The following TBX1 variants were observed in gnomAD, a reference collection of about 807,000 sequenced individuals.
TBX1 encodes T-box transcription factor TBX1.
In TBX1, 16 loss-of-function variants were observed where a neutral mutation model predicts 40.8. The ratio of observed to expected loss-of-function variants is 0.39; its 90% CI spans 0.27 to 0.60. The LOEUF (loss-of-function observed/expected upper bound fraction) is 0.60. Ranked by LOEUF, TBX1 falls within the 20% of genes least tolerant of loss-of-function variation. TBX1 has a pLI of 0.51. For missense variants in TBX1, 755 were observed against 728.5 expected (o/e 1.04, Z -0.42); for synonymous variants, 403 against 336.8 (o/e 1.20, Z -2.15).
At position 19,761,152 on chromosome 22, in the gene TBX1, G is replaced by A; in HGVS notation, c.309G>A (p.Ala103=). Residue 103 remains alanine, a synonymous_variant, in exon 1 of 7, where the codon GCG becomes GCA. Transcript: ENST00000649276. ...AEPEGPGASC[A]AAAKAPVKKN... is the part of the protein sequence containing the mutation. ...CCGAGGGCCCCGGGGCCAGCTGCGCGGCCGCAGCCAAGGCGCCGGTGAAGA... is the reference window on the plus strand; with the variant it reads ...CCGAGGGCCCCGGGGCCAGCTGCGCAGCCGCAGCCAAGGCGCCGGTGAAGA... The A allele has an allele frequency of 6.7e-7, 1 of 1,493,742 alleles. No individual in the cohort carries two copies. The highest frequency in any genetic ancestry group is 9.0e-7 in the Non-Finnish European group (1 of 1,115,988). 92.5% of individuals were successfully genotyped at this position (1,493,742 alleles called of 1,614,324 possible).
At chr22:19,761,363 G>A (rs1936656019) in intron 1 of TBX1, 83 bp downstream of exon 1, 2 of 1,380,868 alleles carry the variant, frequency 1.4e-6, no homozygotes, top group South Asian at 3.3e-5. Context: ...CGCGCGAGCG[G>A]GGCCGAAAGC....
At chr22:19,764,505 G>A (rs1264964544) in intron 3 of TBX1, among the ~76,000 whole-genome samples, 179 bp downstream of exon 3, 1 of 152,252 alleles carries the variant, frequency 6.6e-6, no homozygotes. Context: ...GCGGAGCTTG[G>A]GCAGTGCTGG....
chr22:19,770,647 C>T (rs1448753908), downstream of TBX1, among the ~76,000 whole-genome samples: 9 of 152,226 alleles, frequency 5.9e-5, no homozygotes, highest in South Asian at 4.1e-4. Context: ...CACCCTGCGG[C>T]GCACCCTCCA....
intron 5 of TBX1, 35 bp downstream of exon 5, chr22:19,765,860 C>T (rs1205274947): frequency 6.4e-7 from 1 of 1,574,122 alleles, no homozygotes; most frequent in South Asian, 1.2e-5. Flanking sequence ...GAGCGCCGGG[C>T]GCCTGGCGCA....
At position 19,774,814 on chromosome 22, in the gene TBX1, T is replaced by C. The variant is rs41297798; in HGVS notation, c.1010-4406T>C. Reference sequence around the variant, plus strand: ...CAGGAGAATGGGGATTGTTAGGGACTGGGGGAGAGGAATGGGGAGTTGGCG... The same window carrying C: ...CAGGAGAATGGGGATTGTTAGGGACCGGGGGAGAGGAATGGGGAGTTGGCG... On this transcript the variant is annotated intron_variant, in intron 8 of 8. Transcript: ENST00000329705. Among the ~76,000 whole-genome samples, 694 of 152,208 alleles carry C rather than the reference T, an allele frequency of 4.6e-3. 17 individuals carry two copies. The highest frequency in any genetic ancestry group is 0.029 in the East Asian group (152 of 5,180).
At chr22:19,781,444 ATCCCTTATCAGATATAT>A (rs1436168638), downstream of TBX1, among the ~76,000 whole-genome samples, 2 of 152,098 alleles carry the variant, frequency 1.3e-5, no homozygotes, top group Non-Finnish European at 2.9e-5. Flanking sequence ...GTGGATATTA[ATCCCTTATCAGATATAT>A]GGTTTGTAAA....
At chr22:19,767,881 C>T (rs1936916070), downstream of TBX1, among the ~76,000 whole-genome samples, 1 of 152,234 alleles carries the variant, frequency 6.6e-6, no homozygotes, top group African/African-American at 2.4e-5. Flanking sequence ...CGGCCTAGCC[C>T]AGGCCCGCAT....
intron 2 of TBX1, among the ~76,000 whole-genome samples, 194 bp from the exon 3 acceptor site, chr22:19,763,961 T>C (rs1463007631): frequency 6.6e-6 from 1 of 151,944 alleles, no homozygotes; most frequent in Non-Finnish European, 1.5e-5. Flanking sequence ...TTGTTTTGAG[T>C]GTTGGGGTGG....
chr22:19,762,465 G>A (rs1430296142), intron 1 of TBX1, among the ~76,000 whole-genome samples: 3 of 152,220 alleles, frequency 2.0e-5, no homozygotes, highest in African/African-American at 4.8e-5. Flanking sequence ...CCATCATGTG[G>A]GGGTAGCCCA....
chr22:19,766,188 C>G (rs1413655842), intron 6 of TBX1, 186 bp downstream of exon 6: 6 of 848,848 alleles, frequency 7.1e-6, no homozygotes, highest in Non-Finnish European at 8.6e-6. Flanking sequence ...CCGCCCGCCG[C>G]CGCCGCCGCC....
chr22:19,766,211 C>T, intron 6 of TBX1, 178 bp from the exon 7 acceptor site: 1 of 973,308 alleles, frequency 1.0e-6, no homozygotes, highest in Non-Finnish European at 1.3e-6. Context: ...CAGAGGGGCG[C>T]GGGCCCCGGG....
At position 19,764,216 on chromosome 22, in the gene TBX1, C is replaced by T; in HGVS notation, c.601C>T (p.Arg201Cys). ...AGKADPATPG[R>C]VHYHPDSPAK... ...GAAGGCCGACCCTGCCACGCCAGGCCGCGTGCACTACCACCCGGACTCGCC... is the reference window on the plus strand; with the variant it reads ...GAAGGCCGACCCTGCCACGCCAGGCTGCGTGCACTACCACCCGGACTCGCC... Residue 201 changes from arginine to cysteine, a missense_variant, in exon 3 of 7, where the codon CGC (arginine) becomes TGC (cysteine). Physicochemically the swap from Arg to Cys is radical, Grantham distance 180 (BLOSUM62 -3). This residue lies in a region of TBX1 where 144 missense variants were observed against 238.0 expected (regional missense o/e 0.61). Coordinates refer to ENST00000649276, the MANE Select transcript of TBX1 (RefSeq NM_001379200.1). 1 of 1,613,082 alleles carries T rather than the reference C, an allele frequency of 6.2e-7. No individual in the cohort carries two copies. The highest frequency in any genetic ancestry group is 8.5e-7 in the Non-Finnish European group (1 of 1,179,946).
upstream of TBX1, chr22:19,759,539 A>G: frequency 6.4e-7 from 1 of 1,556,164 alleles, no homozygotes; most frequent in Non-Finnish European, 8.7e-7. Flanking sequence ...TGCGTTCAGC[A>G]TCGCCTCTCT....
chr22:19,774,300 C>T (rs886919874), intron 8 of TBX1, among the ~76,000 whole-genome samples: 1 of 152,214 alleles, frequency 6.6e-6, no homozygotes, highest in Admixed American at 6.5e-5. Flanking sequence ...GTAGTCCCAG[C>T]TACTCAGGAG....
chr22:19,767,713 G>C (rs1300067301), downstream of TBX1, among the ~76,000 whole-genome samples: 1 of 152,224 alleles, frequency 6.6e-6, no homozygotes, highest in Non-Finnish European at 1.5e-5. Context: ...GCCCTGGCCT[G>C]TTTTCGGGAC....
Position 19,777,017 on chromosome 22 carries a change from C to T in TBX1, c.1010-2203C>T, listed in dbSNP as rs144102745. Among the ~76,000 whole-genome samples the T allele has an allele frequency of 2.3e-3, 344 of 151,988 alleles. 1 individual carries two copies. The highest frequency in any genetic ancestry group is 8.0e-3 in the African/African-American group (332 of 41,414). ...GCTCAATCCCATACGCTACAGAGGG[C>T]GCATGTTATTGAACATTAAGGTTTT... On this transcript the variant is annotated intron_variant, in intron 8 of 8. Coordinates refer to the TBX1 transcript ENST00000329705.
chr22:19,761,028 GCGC>G lies in TBX1; in HGVS notation c.196_198del (p.Ala66del), dbSNP rs1032291296. 10 of 898,554 alleles carry G rather than the reference GCGC, an allele frequency of 1.1e-5. No individual in the cohort carries two copies. Among genetic ancestry groups the G allele is most frequent in the Non-Finnish European group, 1.1e-5 (8 of 754,302 alleles). 55.7% of individuals were successfully genotyped at this position (898,554 alleles called of 1,614,324 possible). ...CCGCCGCCGCCGCGCTACGACCCGT[GCGC>G]CGCCGCCGCCCCCGGCGCCCCGGGC... On this transcript the variant is annotated inframe_deletion, in exon 1 of 7. Coordinates refer to ENST00000649276, the MANE Select transcript of TBX1 (RefSeq NM_001379200.1).
chr22:19,756,778 T>C (rs1255194733), upstream of TBX1: 1 of 152,248 alleles, frequency 6.6e-6, no homozygotes, highest in Non-Finnish European at 1.5e-5. Flanking sequence ...CCGCGGGCCG[T>C]GCTGAGGCGC....
chr22:19,772,942 A>C (rs1937011880), intron 8 of TBX1, among the ~76,000 whole-genome samples: 1 of 152,156 alleles, frequency 6.6e-6, no homozygotes, highest in Non-Finnish European at 1.5e-5. Context: ...CTGGCAGGAC[A>C]CAGGTCCCCT....
Sources: allele counts gnomAD v4.1 joint callset (sites outside exome capture counted in the v4.1 genomes callset), GRCh38; gene constraint gnomAD v4.1.1; regional missense constraint gnomAD v4.1.1; transcripts MANE v1.5; gene names NCBI Gene and HGNC (gene_info 2026-07-23, HGNC 2026-07-21).